The following ZNRF3 variants were observed in gnomAD, a reference collection of about 807,000 sequenced individuals.
ZNRF3 encodes zinc and ring finger 3.
Under a neutral mutation model 72.5 loss-of-function variants are expected in ZNRF3, and 23 were observed. That is an observed-to-expected ratio of 0.32 (90% CI 0.23 to 0.45). ZNRF3 has a LOEUF of 0.45. Ranked by LOEUF, ZNRF3 falls within the 20% of genes least tolerant of loss-of-function variation. The pLI, the probability that ZNRF3 is intolerant of heterozygous loss-of-function variation, is 1.00. For missense variants in ZNRF3, 1,169 were observed against 1,272.1 expected, an observed-to-expected ratio of 0.92 and a Z score of 1.23; for synonymous variants, 610 against 545.3, an observed-to-expected ratio of 1.12 and a Z score of -1.65.
At position 29,050,492 on chromosome 22, in the gene ZNRF3, G is replaced by A. The variant is rs767740185; in HGVS notation, c.2311G>A (p.Gly771Arg). The change falls in exon 8 of 9, where the codon GGG becomes AGG. Residue 771 changes from glycine (G) to arginine (R), a missense_variant. By Grantham distance (125) the Gly-to-Arg change is moderately radical. Transcript: ENST00000544604. ...CCCCGACCATTTGCCCAGGACAGAT[G>A]GGGTGAAATACGAGGGTCTGCCCTG... ...LHPDHLPRTD[G>R]VKYEGLPCCF... 97 of 1,612,700 alleles carry A rather than the reference G, an allele frequency of 6.0e-5. No individual in the cohort carries two copies. The highest frequency in any genetic ancestry group is 8.0e-5 in the Non-Finnish European group (94 of 1,179,940).
chr22:28,928,936 A>C (rs2034655467), intron 1 of ZNRF3, among the ~76,000 whole-genome samples: 1 of 152,234 alleles, frequency 6.6e-6, no homozygotes, highest in Non-Finnish European at 1.5e-5. Context: ...ACAAGGAAAG[A>C]TTTCTCTCAC....
At chr22:28,895,240 C>T (rs1181801239) in intron 1 of ZNRF3, among the ~76,000 whole-genome samples, 1 of 152,214 alleles carries the variant, frequency 6.6e-6, no homozygotes, top group Non-Finnish European at 1.5e-5. Context: ...GACCAGAGGG[C>T]TCTTTTTGCT....
At chr22:29,046,596 T>C (rs1191122882) in intron 5 of ZNRF3, 120 bp from the exon 6 acceptor site, 19 of 1,153,012 alleles carry the variant, frequency 1.6e-5, no homozygotes, top group Admixed American at 8.1e-5. Context: ...TTCTCAGAAG[T>C]CTGTTCCGGC....
At chr22:28,912,750 C>T (rs537650675) in intron 1 of ZNRF3, among the ~76,000 whole-genome samples, 12 of 151,302 alleles carry the variant, frequency 7.9e-5, no homozygotes, top group South Asian at 6.3e-4. Context: ...CTGCAACCTC[C>T]GCCTCCCGGG....
At chr22:28,937,205 A>T (rs1601580490) in intron 1 of ZNRF3, among the ~76,000 whole-genome samples, 2 of 4,038 alleles carry the variant, frequency 5.0e-4, no homozygotes, top group Admixed American at 3.9e-3. Context: ...ATATATATAT[A>T]TATATATATA....
chr22:28,970,988 A>T (rs2035564704), intron 1 of ZNRF3, among the ~76,000 whole-genome samples: 1 of 152,310 alleles, frequency 6.6e-6, no homozygotes, highest in South Asian at 2.1e-4. Flanking sequence ...CATTGTTATC[A>T]GTAAATGATT....
At position 29,056,965 on chromosome 22, in the gene ZNRF3, G is replaced by A. The variant is rs919079398; in HGVS notation, c.*3343G>A. The A allele has an allele frequency of 1.3e-5, 2 of 152,140 alleles. No individual in the cohort carries two copies. The highest frequency in any genetic ancestry group is 6.5e-5 in the Admixed American group (1 of 15,268). The allele number at this position is 152,140 out of a possible 1,614,324, so 9.4% of individuals were successfully genotyped here. ...GAGGTCTAAAAAATAATTACTAGTC[G>A]AGACTATTATTCTTTAAACAGAACT... On this transcript the variant is annotated 3_prime_UTR_variant, in exon 9 of 9. Coordinates refer to ENST00000544604, the MANE Select transcript of ZNRF3 (RefSeq NM_001206998.2).
chr22:28,952,736 G>A lies in ZNRF3; in HGVS notation c.301-34340G>A, dbSNP rs116633172. Among the ~76,000 whole-genome samples, 788 of 152,196 alleles carry A rather than the reference G, an allele frequency of 5.2e-3. 9 individuals carry two copies. The highest frequency in any genetic ancestry group is 0.018 in the African/African-American group (761 of 41,518). Reference sequence around the variant, plus strand: ...TTTGACAGTTAAAAAGCAAGAATGTGTTTGCGAATGTATTTAAAACATCTC... The same window carrying A: ...TTTGACAGTTAAAAAGCAAGAATGTATTTGCGAATGTATTTAAAACATCTC... On this transcript the variant is annotated intron_variant, in intron 1 of 8. Transcript: ENST00000544604.
At chr22:28,934,007 G>A (rs890332576) in intron 1 of ZNRF3, among the ~76,000 whole-genome samples, 1 of 151,846 alleles carries the variant, frequency 6.6e-6, no homozygotes, top group African/African-American at 2.4e-5. Context: ...ATATTTGGGG[G>A]AAGGAACAAA....
At position 29,030,437 on chromosome 22, in the gene ZNRF3, A is replaced by T. The variant is rs2036723099; in HGVS notation, c.427-12058A>T. 6.6e-6 allele frequency among the ~76,000 whole-genome samples: 1 copy of T among 152,210 alleles called. No individual in the cohort carries two copies. Among genetic ancestry groups the T allele is most frequent in the Non-Finnish European group, 1.5e-5 (1 of 68,032 alleles). ...TATTTAAACTTAGGCAGCCTTAACCACTAACTTAACCGCTGAATTCTCGCT... is the reference window on the plus strand; with the variant it reads ...TATTTAAACTTAGGCAGCCTTAACCTCTAACTTAACCGCTGAATTCTCGCT... On this transcript the variant is annotated intron_variant, in intron 2 of 8. Coordinates refer to ENST00000544604, the MANE Select transcript of ZNRF3 (RefSeq NM_001206998.2). The surrounding 1 kb of genome is among the most constrained non-coding windows in gnomAD (Gnocchi z 4.2).
chr22:28,886,032 A>T (rs1318668720), intron 1 of ZNRF3, among the ~76,000 whole-genome samples: 1 of 152,066 alleles, frequency 6.6e-6, no homozygotes, highest in Non-Finnish European at 1.5e-5. Flanking sequence ...TAATTCCCTT[A>T]TAGCTGCAGT....
In ZNRF3 at chr22:29,050,365, T is replaced by C. The variant is rs770334509; in HGVS notation, c.2184T>C (p.Ala728=). The change falls in exon 8 of 9, where the codon GCT becomes GCC. Residue 728 remains alanine, a synonymous_variant. Transcript: ENST00000544604. ...CAGCCGGGCCTAGCGCCGGAGCAGC[T>C]GGCAGCAGCACCTTGTTCCTGGGGC... ...PSPAGPSAGA[A]GSSTLFLGPH... 6.2e-7 allele frequency: 1 copy of C among 1,604,208 alleles called. No individual in the cohort carries two copies. Among genetic ancestry groups the C allele is most frequent in the Admixed American group, 1.7e-5 (1 of 59,686 alleles).
intron 5 of ZNRF3, 146 bp from the exon 6 acceptor site, chr22:29,046,570 C>CT (rs1443426033): frequency 3.5e-6 from 3 of 845,284 alleles, no homozygotes; most frequent in African/African-American, 1.7e-5. Flanking sequence ...CTATGGCAGT[C>CT]TGAGTTCTGA....
At chr22:28,915,994 G>A (rs1046595668) in intron 1 of ZNRF3, among the ~76,000 whole-genome samples, 1 of 152,100 alleles carries the variant, frequency 6.6e-6, no homozygotes, top group Non-Finnish European at 1.5e-5. Context: ...TTAGTTTTAG[G>A]AAACCTAGTT....
intron 1 of ZNRF3, among the ~76,000 whole-genome samples, chr22:28,909,747 A>T (rs76260289): frequency 2.6e-5 from 3 of 113,888 alleles, no homozygotes; most frequent in Non-Finnish European, 5.3e-5. Context: ...TGCCTGGCTA[A>T]TTTTTTTTTT....
At chr22:29,037,838 TA>T (rs1409063981) in intron 2 of ZNRF3, among the ~76,000 whole-genome samples, 1 of 152,180 alleles carries the variant, frequency 6.6e-6, no homozygotes, top group Non-Finnish European at 1.5e-5. Context: ...GATGTGAAGA[TA>T]CCCTTGTGGG....
At position 29,056,352 on chromosome 22, in the gene ZNRF3, C is replaced by G. The variant is rs965223397; in HGVS notation, c.*2730C>G. 5.9e-5 allele frequency: 9 copies of G among 152,340 alleles called. No homozygotes were observed. Among genetic ancestry groups the G allele is most frequent in the African/African-American group, 1.9e-4 (8 of 41,568 alleles). The allele number at this position is 152,340 out of a possible 1,614,324, so 9.4% of individuals were successfully genotyped here. The stretch of plus-strand genomic sequence containing the variant: ...CCGACCTCAGGTGATCCGCCCACCT[C>G]GGCCTCCCAAAGTGCTGGGATTACA... On this transcript the variant is annotated 3_prime_UTR_variant, in exon 9 of 9. Coordinates refer to ENST00000544604, the MANE Select transcript of ZNRF3 (RefSeq NM_001206998.2).
Position 29,049,913 on chromosome 22 carries a change from G to A in ZNRF3, c.1732G>A (p.Gly578Ser). The change falls in exon 8 of 9, where the codon GGC (glycine) becomes AGC (serine). Residue 578 changes from glycine (G) to serine (S), a missense_variant. Around this residue, in one of 2 missense-constraint regions of ZNRF3, gnomAD observed 783 missense variants for 731.4 expected, o/e 1.07. Coordinates refer to ENST00000544604, the MANE Select transcript of ZNRF3 (RefSeq NM_001206998.2). The surrounding 1 kb of genome is among the most constrained non-coding windows in gnomAD (Gnocchi z 5.2). The part of the protein sequence containing the change: ...VVDCTEVSNQ[G>S]VYGSCSTFRS... ...AGACTGCACTGAGGTCAGCAACCAG[G>A]GCGTGTACGGGAGCTGCTCCACCTT... 1 of 1,604,670 alleles carries A rather than the reference G, an allele frequency of 6.2e-7. No individual in the cohort carries two copies. Among genetic ancestry groups the A allele is most frequent in the Non-Finnish European group, 8.5e-7 (1 of 1,175,582 alleles).
At chr22:28,966,106 C>G (rs770419308) in intron 1 of ZNRF3, among the ~76,000 whole-genome samples, 18 of 152,316 alleles carry the variant, frequency 1.2e-4, no homozygotes, top group Non-Finnish European at 2.1e-4. Context: ...GCTGCATCTC[C>G]TGTCTACTTT....
Sources: gnomAD v4.1 joint callset for allele counts (sites outside exome capture counted in the v4.1 genomes callset) on GRCh38, gnomAD v4.1.1 for gene constraint, gnomAD v4.1.1 regional missense constraint, Gnocchi (gnomAD v3.1) non-coding constraint, MANE v1.5 for transcripts, NCBI Gene and HGNC (gene_info 2026-07-23, HGNC 2026-07-21) for gene names.